Variants in ESRRG observed in about 807,000 individuals in gnomAD.
The protein encoded by ESRRG is estrogen related receptor gamma, also known as estrogen-related receptor gamma.
ESRRG carries 13 observed loss-of-function variants against 44.0 expected under a neutral mutation model. The observed-to-expected ratio is 0.30, with a 90% confidence interval of 0.19 to 0.47. The LOEUF (loss-of-function observed/expected upper bound fraction) is 0.47. Ranked by LOEUF, ESRRG falls within the 20% of genes least tolerant of loss-of-function variation. The probability of loss-of-function intolerance (pLI) is 1.00; values close to 1 mark genes in which losing one functional copy is unlikely to be tolerated. For missense variants in ESRRG, 395 were observed against 580.6 expected, an observed-to-expected ratio of 0.68 and a Z score of 3.29; for synonymous variants, 215 against 214.6, an observed-to-expected ratio of 1.00 and a Z score of -0.02.
chr1:216,594,602 T>C (rs1328213335), intron 3 of ESRRG, among the ~76,000 whole-genome samples: 2 of 152,158 alleles, frequency 1.3e-5, no homozygotes, highest in Admixed American at 1.3e-4. Context: ...GAGCACTCAA[T>C]TAACAATAAA....
chr1:216,977,341 T>TATACACACACACACACAC (rs146010546), intron 1 of ESRRG, among the ~76,000 whole-genome samples: 4,718 of 143,876 alleles, frequency 0.033, 170 homozygotes, highest in East Asian at 0.11. Context: ...GGAGGATACA[T>TATACACACACACACACAC]ACACACACAC....
intron 2 of ESRRG, among the ~76,000 whole-genome samples, chr1:216,888,512 T>A (rs1001496999): frequency 1.4e-4 from 21 of 152,202 alleles, no homozygotes; most frequent in African/African-American, 4.1e-4. Flanking sequence ...TCTTTTTTTT[T>A]AAGTGTTCAT....
chr1:217,025,149 T>C (rs1401974794), intron 1 of ESRRG, among the ~76,000 whole-genome samples: 3 of 152,170 alleles, frequency 2.0e-5, no homozygotes, highest in African/African-American at 7.2e-5. Flanking sequence ...GTCTACAGCA[T>C]CATCAGGTTA....
chr1:216,863,496 G>C (rs2096089059), intron 2 of ESRRG: 1 of 152,092 alleles, frequency 6.6e-6, no homozygotes, highest in African/African-American at 2.4e-5. Flanking sequence ...CTGGCATAGA[G>C]ACAGTCAATA....
intron 1 of ESRRG, among the ~76,000 whole-genome samples, chr1:216,710,780 A>G (rs1453380221): frequency 1.3e-5 from 2 of 151,408 alleles, no homozygotes; most frequent in African/African-American, 4.9e-5. Flanking sequence ...CACCGCCCCC[A>G]CCCCGCTGCA....
intron 1 of ESRRG, among the ~76,000 whole-genome samples, chr1:217,002,067 C>T (rs111239669): frequency 1.3e-4 from 20 of 151,650 alleles, no homozygotes; most frequent in African/African-American, 4.6e-4. Context: ...TTTGGGAGGC[C>T]GAGTCTGGTG....
intron 3 of ESRRG, among the ~76,000 whole-genome samples, chr1:216,604,633 C>A (rs972843244): frequency 6.6e-5 from 10 of 152,118 alleles, no homozygotes; most frequent in Non-Finnish European, 1.2e-4. Flanking sequence ...TCATCAACCT[C>A]ATCTCTAAAA....
intron 2 of ESRRG, among the ~76,000 whole-genome samples, chr1:216,851,425 C>A (rs2095841213): frequency 6.6e-6 from 1 of 152,064 alleles, no homozygotes; most frequent in Admixed American, 6.6e-5. Flanking sequence ...CCACTCCCCA[C>A]CAGGTAATGG....
intron 1 of ESRRG, among the ~76,000 whole-genome samples, chr1:217,031,691 A>T (rs1444972902): frequency 6.6e-6 from 1 of 152,138 alleles, no homozygotes; most frequent in African/African-American, 2.4e-5. Flanking sequence ...GGTGGGAGGG[A>T]GCCAGTGGGA....
At chr1:216,655,761 T>G (rs886512078) in intron 2 of ESRRG, among the ~76,000 whole-genome samples, 4 of 152,180 alleles carry the variant, frequency 2.6e-5, no homozygotes, top group Non-Finnish European at 5.9e-5. Flanking sequence ...ACTTATTTGC[T>G]TTATTTGCTG....
chr1:217,038,140 C>G (rs2083237211), intron 1 of ESRRG, among the ~76,000 whole-genome samples: 1 of 152,126 alleles, frequency 6.6e-6, no homozygotes, highest in African/African-American at 2.4e-5. Flanking sequence ...GATGGTGGCC[C>G]TCTTCTCACC....
At chr1:216,770,941 A>G (rs1383185583) in intron 2 of ESRRG, among the ~76,000 whole-genome samples, 1 of 152,032 alleles carries the variant, frequency 6.6e-6, no homozygotes, top group Non-Finnish European at 1.5e-5. Context: ...CTAATTCATC[A>G]AATATTCCTA....
At chr1:216,831,508 G>A (rs1476592986) in intron 2 of ESRRG, among the ~76,000 whole-genome samples, 1 of 150,362 alleles carries the variant, frequency 6.7e-6, no homozygotes, top group Admixed American at 6.7e-5. Flanking sequence ...GAGAAAAAGA[G>A]AGAGAGAGAA....
At chr1:216,585,158 G>T (rs1016883533) in intron 3 of ESRRG, among the ~76,000 whole-genome samples, 1 of 152,092 alleles carries the variant, frequency 6.6e-6, no homozygotes, top group African/African-American at 2.4e-5. Context: ...AGAAAATATT[G>T]CTTGACATTT....
At chr1:216,544,817 T>G (rs535842357) in intron 5 of ESRRG, among the ~76,000 whole-genome samples, 11 of 152,094 alleles carry the variant, frequency 7.2e-5, no homozygotes, top group African/African-American at 2.2e-4. Flanking sequence ...AAATATGTCC[T>G]AGATGGAGAG....
intron 1 of ESRRG, among the ~76,000 whole-genome samples, chr1:217,029,286 G>A (rs951334371): frequency 2.0e-5 from 3 of 152,150 alleles, no homozygotes; most frequent in Non-Finnish European, 2.9e-5. Flanking sequence ...ATTAGCAGTC[G>A]TTTTTTAAAG....
chr1:216,728,984 G>A (rs1003245176), intron 2 of ESRRG, among the ~76,000 whole-genome samples: 1 of 152,146 alleles, frequency 6.6e-6, no homozygotes, highest in African/African-American at 2.4e-5. Flanking sequence ...GTCAGACCTG[G>A]AAGAAGGTTT....
chr1:216,775,989 C>G (rs2093600320), intron 2 of ESRRG, among the ~76,000 whole-genome samples: 2 of 152,128 alleles, frequency 1.3e-5, no homozygotes, highest in South Asian at 4.1e-4. Context: ...TAAGTGATTT[C>G]CAGTTTATAA....
At chr1:216,797,543 G>A (rs1246122564) in intron 2 of ESRRG, among the ~76,000 whole-genome samples, 6 of 152,054 alleles carry the variant, frequency 3.9e-5, no homozygotes, top group Middle Eastern at 3.2e-3. Flanking sequence ...CACAGGTTAC[G>A]TAAAGGGGGG....
Sources: gnomAD v4.1 joint callset for allele counts (sites outside exome capture counted in the v4.1 genomes callset) on GRCh38, gnomAD v4.1.1 for gene constraint, MANE v1.5 for transcripts, NCBI Gene and HGNC (gene_info 2026-07-23, HGNC 2026-07-21) for gene names.